The following SCHIP1 variants were observed in gnomAD, a reference collection of about 807,000 sequenced individuals.
SCHIP1 encodes the protein schwannomin interacting protein 1.
Under a neutral mutation model 29.7 loss-of-function variants are expected in SCHIP1, and 8 were observed. That is an observed-to-expected ratio of 0.27 (90% CI 0.16 to 0.49). The LOEUF (loss-of-function observed/expected upper bound fraction) is 0.49. Among genes scored for constraint, SCHIP1 ranks in the 20% least tolerant of loss-of-function variants. SCHIP1 has a pLI of 0.99. For synonymous variants in SCHIP1, 76 were observed against 94.9 expected, an observed-to-expected ratio of 0.80 and a Z score of 1.16; for missense variants, 193 against 294.6, an observed-to-expected ratio of 0.66 and a Z score of 2.52.
the SCHIP1 span, among the ~76,000 whole-genome samples, chr3:159,405,548 G>T: frequency 6.6e-6 from 1 of 152,162 alleles, no homozygotes; most frequent in Non-Finnish European, 1.5e-5. Flanking sequence ...TGGTCACACA[G>T]AGGAAAGCAC....
chr3:159,631,916 C>T, the SCHIP1 span, among the ~76,000 whole-genome samples: 2 of 151,956 alleles, frequency 1.3e-5, no homozygotes, highest in African/African-American at 2.4e-5. Flanking sequence ...GATATGCACC[C>T]CCCACCTCAT....
the SCHIP1 span, among the ~76,000 whole-genome samples, chr3:159,285,300 G>A: frequency 4.6e-5 from 7 of 151,728 alleles, no homozygotes; most frequent in South Asian, 4.2e-4. Context: ...TTTTGTTTCC[G>A]TGATAGATAA....
the SCHIP1 span, among the ~76,000 whole-genome samples, chr3:159,682,100 T>C: frequency 6.6e-6 from 1 of 152,192 alleles, no homozygotes; most frequent in Non-Finnish European, 1.5e-5. Flanking sequence ...TGTCCTCAAA[T>C]GTATTTGGGG....
chr3:159,860,248 GC>G (rs1577448112), intron 1 of SCHIP1, among the ~76,000 whole-genome samples: 2 of 152,130 alleles, frequency 1.3e-5, no homozygotes, highest in East Asian at 3.9e-4. Flanking sequence ...GCTTTAACAA[GC>G]ATTTCCTGGG....
At chr3:159,817,308 G>T in the SCHIP1 span, among the ~76,000 whole-genome samples, 1 of 152,076 alleles carries the variant, frequency 6.6e-6, no homozygotes. Context: ...ATGGGGTGGG[G>T]TGGCGGGCTG....
At chr3:159,362,150 G>T in the SCHIP1 span, among the ~76,000 whole-genome samples, 1 of 152,160 alleles carries the variant, frequency 6.6e-6, no homozygotes. Flanking sequence ...ATACCTAGAA[G>T]GATGACAGTA....
At chr3:159,670,627 G>A in the SCHIP1 span, among the ~76,000 whole-genome samples, 229 of 152,076 alleles carry the variant, frequency 1.5e-3, no homozygotes, top group African/African-American at 5.2e-3. Context: ...GACAATTAAT[G>A]TGTTTACTTT....
the SCHIP1 span, among the ~76,000 whole-genome samples, chr3:159,643,957 A>G: frequency 6.6e-6 from 1 of 152,116 alleles, no homozygotes; most frequent in African/African-American, 2.4e-5. Context: ...CTATTTACTG[A>G]TAACAGATAC....
the SCHIP1 span, among the ~76,000 whole-genome samples, chr3:159,732,493 G>A: frequency 6.6e-6 from 1 of 152,182 alleles, no homozygotes; most frequent in Admixed American, 6.5e-5. Context: ...GGTATGAAAG[G>A]GCTAGAGAAT....
intron 1 of SCHIP1, among the ~76,000 whole-genome samples, chr3:159,865,087 G>C (rs1203097493): frequency 6.6e-6 from 1 of 152,096 alleles, no homozygotes; most frequent in East Asian, 1.9e-4. Context: ...ACCTCCTACT[G>C]GGAGAATGAA....
At chr3:159,626,173 T>G in the SCHIP1 span, among the ~76,000 whole-genome samples, 17 of 55,386 alleles carry the variant, frequency 3.1e-4, no homozygotes, top group South Asian at 7.2e-4. Flanking sequence ...TAGATATATC[T>G]ATCTATCTAG....
At chr3:159,628,732 T>C in the SCHIP1 span, among the ~76,000 whole-genome samples, 1 of 152,162 alleles carries the variant, frequency 6.6e-6, no homozygotes, top group African/African-American at 2.4e-5. Flanking sequence ...GCATTTTCTA[T>C]GTGTAAAACA....
chr3:159,345,941 C>A, the SCHIP1 span, among the ~76,000 whole-genome samples: 3 of 152,102 alleles, frequency 2.0e-5, no homozygotes, highest in Non-Finnish European at 4.4e-5. Flanking sequence ...TGCCTGTAAT[C>A]CCAGCACTTT....
the SCHIP1 span, among the ~76,000 whole-genome samples, chr3:159,622,084 T>TA: frequency 1.3e-5 from 2 of 152,178 alleles, no homozygotes; most frequent in African/African-American, 4.8e-5. Context: ...AAGGTGTAAA[T>TA]AGTTCCAGAG....
chr3:159,346,141 T>C, the SCHIP1 span, among the ~76,000 whole-genome samples: 1,677 of 149,838 alleles, frequency 0.011, 17 homozygotes, highest in South Asian at 0.032. Flanking sequence ...TGTGTCAAGA[T>C]GGTGCCACTG....
the SCHIP1 span, among the ~76,000 whole-genome samples, chr3:159,426,855 C>T: frequency 6.6e-6 from 1 of 152,168 alleles, no homozygotes; most frequent in African/African-American, 2.4e-5. Context: ...TGGGTTTCAT[C>T]TCTGGGATGC....
chr3:159,492,792 A>G, the SCHIP1 span, among the ~76,000 whole-genome samples: 43 of 152,174 alleles, frequency 2.8e-4, no homozygotes, highest in African/African-American at 1.0e-3. Context: ...TCCAAGACAC[A>G]TAATTGTCAG....
the SCHIP1 span, chr3:159,274,689 A>G: frequency 3.7e-6 from 3 of 817,878 alleles, no homozygotes; most frequent in African/African-American, 5.6e-5. Flanking sequence ...AATGACCCCA[A>G]CAGATATTTT....
At chr3:159,856,369 C>T (rs1010578393) in intron 1 of SCHIP1, among the ~76,000 whole-genome samples, 21 of 152,152 alleles carry the variant, frequency 1.4e-4, no homozygotes, top group Middle Eastern at 3.4e-3. Flanking sequence ...TCCAGATAGC[C>T]GGTGTGGACT....
Sources: gnomAD v4.1 joint callset for allele counts (sites outside exome capture counted in the v4.1 genomes callset) on GRCh38, gnomAD v4.1.1 for gene constraint, MANE v1.5 for transcripts, NCBI Gene and HGNC (gene_info 2026-07-23, HGNC 2026-07-21) for gene names.